LYST: variants seen among roughly 807,000 people sequenced by gnomAD.
The protein encoded by LYST is lysosomal trafficking regulator, also known as lysosomal-trafficking regulator.
Under a neutral mutation model 413.6 loss-of-function variants are expected in LYST, and 192 were observed. That is an observed-to-expected ratio of 0.46 (90% CI 0.41 to 0.52). The LOEUF is 0.52. Ranked by LOEUF, LYST falls within the 20% of genes least tolerant of loss-of-function variation. LYST has a pLI of 0.00. For missense variants in LYST, 3,815 were observed against 4,499.9 expected, an observed-to-expected ratio of 0.85 and a Z score of 4.35; for synonymous variants, 1,525 against 1,567.3, an observed-to-expected ratio of 0.97 and a Z score of 0.64.
intron 21 of LYST, among the ~76,000 whole-genome samples, chr1:235,765,505 T>C (rs921824747): frequency 1.3e-5 from 2 of 152,228 alleles, no homozygotes; most frequent in Non-Finnish European, 2.9e-5. Flanking sequence ...AAGGACCCAT[T>C]TGATATGACT....
intron 14 of LYST, among the ~76,000 whole-genome samples, chr1:235,782,292 C>G (rs771818821): frequency 1.3e-5 from 2 of 151,910 alleles, no homozygotes; most frequent in African/African-American, 2.4e-5. Flanking sequence ...CCTCAGCCTC[C>G]CAAGTAGCTG....
intron 32 of LYST, among the ~76,000 whole-genome samples, 181 bp downstream of exon 32, chr1:235,734,302 C>A (rs1370483973): frequency 6.6e-6 from 1 of 151,506 alleles, no homozygotes; most frequent in Non-Finnish European, 1.5e-5. Flanking sequence ...ACAAAATGCT[C>A]CTTAAAATAA....
At chr1:235,823,718 T>A (rs1220271631) in intron 3 of LYST, among the ~76,000 whole-genome samples, 1 of 152,230 alleles carries the variant, frequency 6.6e-6, no homozygotes, top group African/African-American at 2.4e-5. Flanking sequence ...CCCGTGTTTT[T>A]TCATGTGCAA....
intron 30 of LYST, among the ~76,000 whole-genome samples, chr1:235,743,278 A>C (rs922514130): frequency 5.3e-5 from 8 of 152,144 alleles, no homozygotes; most frequent in Non-Finnish European, 1.5e-5. Flanking sequence ...GAGTTTTAAA[A>C]ACAGCTCCTC....
chr1:235,693,547 C>A (rs958519362), intron 46 of LYST, 61 bp from the exon 47 acceptor site: 2 of 1,600,034 alleles, frequency 1.2e-6, no homozygotes, highest in African/African-American at 1.3e-5. Flanking sequence ...ACATGACAGC[C>A]CAAAACTGGC....
At chr1:235,722,934 T>C (rs963383961) in intron 39 of LYST, among the ~76,000 whole-genome samples, 3 of 152,138 alleles carry the variant, frequency 2.0e-5, no homozygotes, top group African/African-American at 7.2e-5. Context: ...TCAGAAACAG[T>C]ATGGATGCAG....
chr1:235,751,025 G>A (rs1229875166), intron 28 of LYST, among the ~76,000 whole-genome samples, 185 bp downstream of exon 28: 1 of 152,132 alleles, frequency 6.6e-6, no homozygotes, highest in East Asian at 1.9e-4. Context: ...GTAGGCAGGT[G>A]CTCAAGAAAT....
At chr1:235,746,559 C>A in intron 28 of LYST, 32 bp from the exon 29 acceptor site, 1 of 1,515,008 alleles carries the variant, frequency 6.6e-7, no homozygotes, top group Non-Finnish European at 9.1e-7. Context: ...AACATCAAAT[C>A]CCAGTGTTAA....
chr1:235,753,284 A>G lies in LYST; in HGVS notation c.7230-10T>C, dbSNP rs769361065. 3 of 1,454,120 alleles carry G rather than the reference A, an allele frequency of 2.1e-6. No individual in the cohort carries two copies. The Admixed American group carries it at 5.0e-5, about 24-fold the overall frequency. 90.1% of individuals were successfully genotyped at this position (1,454,120 alleles called of 1,614,324 possible). Reference sequence around the variant, plus strand: ...ATCTTCCAGATCAAATCTATAATAAATAATACAGTTAAGAGCACATTAGAA... The same window carrying G: ...ATCTTCCAGATCAAATCTATAATAAGTAATACAGTTAAGAGCACATTAGAA... On this transcript the variant is annotated splice_polypyrimidine_tract_variant and intron_variant, in intron 25 of 52. Coordinates refer to ENST00000389793, the MANE Select transcript of LYST (RefSeq NM_000081.4).
chr1:235,876,736 C>T (rs189902086), intron 1 of LYST, among the ~76,000 whole-genome samples: 17 of 152,294 alleles, frequency 1.1e-4, no homozygotes, highest in Non-Finnish European at 1.8e-4. Context: ...ATCATTTGCC[C>T]AGCTCACTAC....
chr1:235,710,074 C>A (rs1662292057), intron 43 of LYST, among the ~76,000 whole-genome samples: 1 of 152,080 alleles, frequency 6.6e-6, no homozygotes, highest in South Asian at 2.1e-4. Flanking sequence ...TTGCTGAACA[C>A]CATAACAAAA....
chr1:235,839,701 G>C (rs1408182284), intron 1 of LYST: 1 of 151,456 alleles, frequency 6.6e-6, no homozygotes, highest in African/African-American at 2.4e-5. Flanking sequence ...AGTAACTCAG[G>C]AGGCTAAGGC....
chr1:235,767,107 C>T (rs1422154877), intron 20 of LYST, among the ~76,000 whole-genome samples: 2 of 151,990 alleles, frequency 1.3e-5, no homozygotes, highest in Non-Finnish European at 2.9e-5. Flanking sequence ...GGCAAAATGC[C>T]AACTAATTAC....
chr1:235,669,906 G>A (rs76622053), intron 50 of LYST, among the ~76,000 whole-genome samples: 3,723 of 152,262 alleles, frequency 0.024, 143 homozygotes, highest in African/African-American at 0.085. Flanking sequence ...GACACTGGGA[G>A]CAGAGTGGGG....
At chr1:235,705,172 G>C (rs1480084814) in intron 44 of LYST, among the ~76,000 whole-genome samples, 1 of 152,180 alleles carries the variant, frequency 6.6e-6, no homozygotes, top group Non-Finnish European at 1.5e-5. Flanking sequence ...ACAAGTGGCA[G>C]AGTCACAGAG....
At position 235,808,757 on chromosome 1, in the gene LYST, C is replaced by A; in HGVS notation, c.2061G>T (p.Leu687Phe). ...AAGCCTTTAAAGCATCCCATTTCCACAACAAATCTTCAGATCCACTGCTGG... is the reference window on the plus strand; with the variant it reads ...AAGCCTTTAAAGCATCCCATTTCCAAAACAAATCTTCAGATCCACTGCTGG... ...ILPSSGSEDL[L>F]WKWDALKAYQ... Residue 687 changes from leucine to phenylalanine, a missense_variant, in exon 5 of 53, where the codon TTG (leucine) becomes TTT (phenylalanine). Leu to Phe is a conservative substitution (Grantham distance 22, BLOSUM62 0). Coordinates refer to ENST00000389793, the MANE Select transcript of LYST (RefSeq NM_000081.4). 2 of 1,614,002 alleles carry A rather than the reference C, an allele frequency of 1.2e-6. No homozygotes were observed. The highest frequency in any genetic ancestry group is 1.7e-6 in the Non-Finnish European group (2 of 1,179,990).
intron 1 of LYST, among the ~76,000 whole-genome samples, chr1:235,834,520 G>A (rs1239797453): frequency 1.3e-5 from 2 of 152,096 alleles, no homozygotes; most frequent in Non-Finnish European, 2.9e-5. Context: ...TTACAGGCGT[G>A]AGCCACTGTA....
At position 235,874,523 on chromosome 1, in the gene LYST, G is replaced by A. The variant is rs567386601; in HGVS notation, n.454+8664C>T. 4.6e-5 allele frequency among the ~76,000 whole-genome samples: 7 copies of A among 152,280 alleles called. No homozygotes were observed. The East Asian group carries it at 1.4e-3, about 29-fold the overall frequency. On this transcript the variant is annotated intron_variant and non_coding_transcript_variant, in intron 1 of 11. Transcript: ENST00000465349. ...AACTTGAGACTTAAACACTCAGCAG[G>A]CTTTGAGCAGGCCAGTTTTTCCTAA...
chr1:235,680,818 C>T (rs541092139), intron 48 of LYST, among the ~76,000 whole-genome samples: 1 of 152,076 alleles, frequency 6.6e-6, no homozygotes, highest in Non-Finnish European at 1.5e-5. Flanking sequence ...AGGCTGGTCT[C>T]GAACTCCTGA....
Sources: gnomAD v4.1 joint callset for allele counts (sites outside exome capture counted in the v4.1 genomes callset) on GRCh38, gnomAD v4.1.1 for gene constraint, MANE v1.5 for transcripts, NCBI Gene and HGNC (gene_info 2026-07-23, HGNC 2026-07-21) for gene names.